The following PRPS1L1 variants were observed in gnomAD, a reference collection of about 807,000 sequenced individuals.
The protein encoded by PRPS1L1 is ribose-phosphate pyrophosphokinase 3.
A neutral mutation model predicts 16.4 loss-of-function variants in PRPS1L1; 12 were observed. The observed-to-expected ratio is 0.73, with a 90% CI of 0.47 to 1.19. The LOEUF (loss-of-function observed/expected upper bound fraction) is 1.19. Among genes scored for constraint, PRPS1L1 ranks in the 50% most tolerant of loss-of-function variants. The pLI is 0.00. For synonymous variants in PRPS1L1, 153 were observed against 142.5 expected (o/e 1.07, Z -0.53); for missense variants, 408 against 395.8 (o/e 1.03, Z -0.26).
chr7:18,027,840 CG>C lies in PRPS1L1; in HGVS notation c.-59del, dbSNP rs1383240566. 1.3e-5 allele frequency: 20 copies of C among 1,536,330 alleles called. No individual in the cohort carries two copies. In the Admixed American group the frequency reaches 3.6e-4, roughly 27 times the overall value. ...GATCCAGCTGCCGCTGAGGCTGGAA[CG>C]GAAGTGAAGCACAGACTCTAATGGC... On this transcript the variant is annotated 5_prime_UTR_variant, in exon 1 of 1. Transcript: ENST00000506618.
chr7:18,027,769 T>G lies in PRPS1L1; in HGVS notation c.14A>C (p.Lys5Thr). The G allele has an allele frequency of 6.2e-7, 1 of 1,614,044 alleles. No homozygotes were observed. Among genetic ancestry groups the G allele is most frequent in the Non-Finnish European group, 8.5e-7 (1 of 1,180,010 alleles). ...CTGGTGGGAGCTGCCGCTGAAGATT[T>G]TGATATTCGGCGTCTTGGCCAACTA... Residue 5 changes from lysine (K) to threonine (T), a missense_variant, in exon 1 of 1, where the codon AAA becomes ACA. By Grantham distance (78) the Lys-to-Thr change is moderately conservative. Coordinates refer to ENST00000506618, the MANE Select transcript of PRPS1L1 (RefSeq NM_175886.3).
At position 18,027,590 on chromosome 7, in the gene PRPS1L1, C is replaced by T. The variant is rs754837297; in HGVS notation, c.193G>A (p.Asp65Asn). The T allele has an allele frequency of 4.3e-6, 7 of 1,613,952 alleles. 1 individual carries two copies. The Middle Eastern group carries it at 6.6e-4, about 152-fold the overall frequency. The change falls in exon 1 of 1, where the codon GAC (aspartate) becomes AAC (asparagine). Residue 65 changes from aspartate to asparagine, a missense_variant. By Grantham distance (23) the Asp-to-Asn change is conservative (BLOSUM62 1). Transcript: ENST00000506618. ...ATGATCAAAAGCTCCATTAGACTGTCGTTGATTTCGCCACAACCACTCTGA... is the reference window on the plus strand; with the variant it reads ...ATGATCAAAAGCTCCATTAGACTGTTGTTGATTTCGCCACAACCACTCTGA...
rs767111140 is a variant in PRPS1L1 at position 18,026,868 on chromosome 7, A to AT, written c.914dup (p.Asn305LysfsTer18). 3.1e-6 allele frequency: 5 copies of AT among 1,612,492 alleles called. No homozygotes were observed. The Admixed American group carries it at 8.3e-5, about 27-fold the overall frequency. On this transcript the variant is annotated frameshift_variant, in exon 1 of 1. Coordinates refer to ENST00000506618, the MANE Select transcript of PRPS1L1 (RefSeq NM_175886.3). LOFTEE classifies it high-confidence loss of function. Reference sequence around the variant, plus strand: ...TGAACAGGTAGGAAACAGATTCCCCATTATGAGTTCTCCTTATGGCTTCTG... The same window carrying AT: ...TGAACAGGTAGGAAACAGATTCCCCATTTATGAGTTCTCCTTATGGCTTCTG...
chr7:18,027,815 G>T lies in PRPS1L1; in HGVS notation c.-33C>A. 1 of 1,599,716 alleles carries T rather than the reference G, an allele frequency of 6.3e-7. No individual in the cohort carries two copies. The stretch of plus-strand genomic sequence containing the variant: ...AACTACCAGAGGCACTCCGTCGAGC[G>T]ATCCAGCTGCCGCTGAGGCTGGAAC... On this transcript the variant is annotated 5_prime_UTR_variant, in exon 1 of 1. Transcript: ENST00000506618.
Position 18,027,672 on chromosome 7 carries a change from G to C in PRPS1L1, c.111C>G (p.Asn37Lys). The change falls in exon 1 of 1, where the codon AAC (asparagine) becomes AAG (lysine). Residue 37 changes from asparagine to lysine, a missense_variant. Physicochemically the swap from Asn to Lys is moderately conservative, Grantham distance 94. Transcript: ENST00000506618. ...CATCAATTTCCACGCAGGTCTCCTG[G>C]TTGCTGAATTTCTTAGTCACCACCT... 6.2e-7 allele frequency: 1 copy of C among 1,614,064 alleles called. No homozygotes were observed.
chr7:18,027,511 C>T lies in PRPS1L1; in HGVS notation c.272G>A (p.Cys91Tyr). 1 of 1,614,182 alleles carries T rather than the reference C, an allele frequency of 6.2e-7. No individual in the cohort carries two copies. Among genetic ancestry groups the T allele is most frequent in the South Asian group, 1.1e-5 (1 of 91,084 alleles). ...CTTATCCTGTCGGGCATAAGGGAAG[C>T]ATGGGATGACTGCAGTAACTCGGCT... Residue 91 changes from cysteine (C) to tyrosine (Y), a missense_variant, in exon 1 of 1, where the codon TGC (cysteine) becomes TAC (tyrosine). Cys to Tyr is a radical substitution (Grantham distance 194, BLOSUM62 -2). Coordinates refer to ENST00000506618, the MANE Select transcript of PRPS1L1 (RefSeq NM_175886.3).
Position 18,027,364 on chromosome 7 carries a change from A to G in PRPS1L1, c.419T>C (p.Ile140Thr). 1.9e-6 allele frequency: 3 copies of G among 1,614,204 alleles called. No homozygotes were observed. The highest frequency in any genetic ancestry group is 2.5e-6 in the Non-Finnish European group (3 of 1,180,044). Reference sequence around the variant, plus strand: ...CTCTGCATACAAGTTGTCTACTGGGATATCAAAAAAGCCCTGAATTTGAGA... The same window carrying G: ...CTCTGCATACAAGTTGTCTACTGGGGTATCAAAAAAGCCCTGAATTTGAGA... The change falls in exon 1 of 1, where the codon ATC becomes ACC. Residue 140 changes from isoleucine (I) to threonine (T), a missense_variant. Coordinates refer to ENST00000506618, the MANE Select transcript of PRPS1L1 (RefSeq NM_175886.3).
Position 18,027,449 on chromosome 7 carries a change from C to T in PRPS1L1, c.334G>A (p.Val112Ile), listed in dbSNP as rs1782205450. 1 of 1,614,080 alleles carries T rather than the reference C, an allele frequency of 6.2e-7. No homozygotes were observed. Among genetic ancestry groups the T allele is most frequent in the African/African-American group, 1.3e-5 (1 of 74,918 alleles). ...CCTGCTATAGAGAGCATATTTGCAA[C>T]AAGCTTGGCAGAGATTGGGGACCGG... is the stretch of plus-strand genomic sequence containing the variant. Residue 112 changes from valine to isoleucine, a missense_variant, in exon 1 of 1, where the codon GTT becomes ATT. Val to Ile is a conservative substitution (Grantham distance 29). Coordinates refer to ENST00000506618, the MANE Select transcript of PRPS1L1 (RefSeq NM_175886.3).
rs1461722382 is a variant in PRPS1L1 at position 18,027,277 on chromosome 7, G to C, written c.506C>G (p.Ser169Trp). ...TCTTTTAGCTCCACCAGCATCTGGC[G>C]AGACAATAATGCAGTTCTTCCACTC... The change falls in exon 1 of 1, where the codon TCG becomes TGG. Residue 169 changes from serine (S) to tryptophan (W), a missense_variant. By Grantham distance (177) the Ser-to-Trp change is radical. Transcript: ENST00000506618. 3 of 1,614,036 alleles carry C rather than the reference G, an allele frequency of 1.9e-6. No homozygotes were observed. The highest frequency in any genetic ancestry group is 1.7e-6 in the Non-Finnish European group (2 of 1,180,040).
At position 18,026,952 on chromosome 7, in the gene PRPS1L1, T is replaced by C. The variant is rs1229948007; in HGVS notation, c.831A>G (p.Gln277=). The C allele has an allele frequency of 3.1e-6, 5 of 1,614,090 alleles. No individual in the cohort carries two copies. Among genetic ancestry groups the C allele is most frequent in the East Asian group, 2.2e-5 (1 of 44,888 alleles). Residue 277 remains glutamine (Q), a synonymous_variant, in exon 1 of 1, where the codon CAA becomes CAG. Coordinates refer to ENST00000506618, the MANE Select transcript of PRPS1L1 (RefSeq NM_175886.3). ...TGGAGCAATGCTTCATCTTCTCATC[T>C]TGAGGTATGGTATTGGTGACTACCA...
Position 18,027,032 on chromosome 7 carries a change from C to T in PRPS1L1, c.751G>A (p.Gly251Arg). The T allele has an allele frequency of 1.2e-6, 2 of 1,614,154 alleles. No individual in the cohort carries two copies. Among genetic ancestry groups the T allele is most frequent in the East Asian group, 4.5e-5 (2 of 44,880 alleles). ...GAAATGGCTGGGCCAGAAAAGATTC[C>T]ATGAGTCAAGATAGCATAAACTCTG... Residue 251 changes from glycine (G) to arginine (R), a missense_variant, in exon 1 of 1, where the codon GGA becomes AGA. Gly to Arg is a moderately radical substitution (Grantham distance 125). Transcript: ENST00000506618.
rs200567913 is a variant in PRPS1L1, at chr7:18,027,352, T to C, written c.431A>G (p.Asn144Ser). 1.4e-5 allele frequency: 22 copies of C among 1,614,062 alleles called. No individual in the cohort carries two copies. The highest frequency in any genetic ancestry group is 1.5e-5 in the Non-Finnish European group (18 of 1,180,044). ...CAGGACAGTTGGCTCTGCATACAAG[T>C]TGTCTACTGGGATATCAAAAAAGCC... is the stretch of plus-strand genomic sequence containing the variant. The change falls in exon 1 of 1, where the codon AAC becomes AGC. Residue 144 changes from asparagine (N) to serine (S), a missense_variant. By Grantham distance (46) the Asn-to-Ser change is conservative. Coordinates refer to ENST00000506618, the MANE Select transcript of PRPS1L1 (RefSeq NM_175886.3).
rs3800961 is a variant in PRPS1L1 at position 18,027,459 on chromosome 7, A to G, written c.324T>C (p.Ser108=). Residue 108 remains serine (S), a synonymous_variant, in exon 1 of 1, where the codon TCT becomes TCC. Transcript: ENST00000506618. ...AGAGCATATTTGCAACAAGCTTGGC[A>G]GAGATTGGGGACCGGCTCTTATCCT... The G allele has an allele frequency of 0.039, 63,726 of 1,614,142 alleles. 1,602 individuals are homozygous for G. Among genetic ancestry groups the G allele is most frequent in the East Asian group, 0.13 (5,641 of 44,874 alleles).
rs1486940140 is a variant in PRPS1L1, at chr7:18,027,309, A to G, written c.474T>C (p.Asn158=). 1.2e-6 allele frequency: 2 copies of G among 1,614,018 alleles called. No individual in the cohort carries two copies. Among genetic ancestry groups the G allele is most frequent in the South Asian group, 1.1e-5 (1 of 91,086 alleles). Residue 158 remains asparagine (N), a synonymous_variant, in exon 1 of 1, where the codon AAT becomes AAC. Transcript: ENST00000506618. ...TAATGCAGTTCTTCCACTCAGGGAT[A>G]TTCTCCCTTATCCACTTCAGGACAG...
In PRPS1L1 at chr7:18,027,228, C is replaced by G. The variant is rs1450004483; in HGVS notation, c.555G>C (p.Leu185Phe). ...TATGAATCAAAGCAAAGTCCACATT[C>G]AACTGGTCTGCAATGGAGGTCACTC... The change falls in exon 1 of 1, where the codon TTG (leucine) becomes TTC (phenylalanine). Residue 185 changes from leucine (L) to phenylalanine (F), a missense_variant. Leu to Phe is a conservative substitution (Grantham distance 22). Coordinates refer to ENST00000506618, the MANE Select transcript of PRPS1L1 (RefSeq NM_175886.3). 6 of 1,614,108 alleles carry G rather than the reference C, an allele frequency of 3.7e-6. No homozygotes were observed. The highest frequency in any genetic ancestry group is 5.1e-6 in the Non-Finnish European group (6 of 1,180,046).
Position 18,026,783 on chromosome 7 carries a change from A to G in PRPS1L1, c.*43T>C. 1 of 1,384,158 alleles carries G rather than the reference A, an allele frequency of 7.2e-7. No individual in the cohort carries two copies. The highest frequency in any genetic ancestry group is 9.8e-7 in the Non-Finnish European group (1 of 1,017,968). 85.7% of individuals were successfully genotyped at this position (1,384,158 alleles called of 1,614,324 possible). A position where few individuals can be genotyped will look rare whatever the true frequency, so the allele number is the denominator to read the frequency against. ...ATAAAGGCAAGGTTTGTTTTTATTA[A>G]TCTTATTTTATTTTAAAATAGCATA... On this transcript the variant is annotated 3_prime_UTR_variant, in exon 1 of 1. Transcript: ENST00000506618.
Position 18,027,621 on chromosome 7 carries a change from G to A in PRPS1L1, c.162C>T (p.Tyr54=). The change falls in exon 1 of 1, where the codon TAC becomes TAT. Residue 54 remains tyrosine (Y), a synonymous_variant. Transcript: ENST00000506618. ...TTTCGCCACAACCACTCTGAACGAT[G>A]TAGACATCCTCTCCACGCACACTCT... The A allele has an allele frequency of 6.2e-7, 1 of 1,614,098 alleles. No homozygotes were observed. Among genetic ancestry groups the A allele is most frequent in the Non-Finnish European group, 8.5e-7 (1 of 1,180,034 alleles).
In PRPS1L1 at chr7:18,027,454, T is replaced by G; in HGVS notation, c.329A>C (p.Lys110Thr). The stretch of plus-strand genomic sequence containing the variant: ...TATAGAGAGCATATTTGCAACAAGC[T>G]TGGCAGAGATTGGGGACCGGCTCTT... Residue 110 changes from lysine to threonine, a missense_variant, in exon 1 of 1, where the codon AAG (lysine) becomes ACG (threonine). Transcript: ENST00000506618. 1 of 1,614,194 alleles carries G rather than the reference T, an allele frequency of 6.2e-7. No homozygotes were observed. Among genetic ancestry groups the G allele is most frequent in the Non-Finnish European group, 8.5e-7 (1 of 1,180,038 alleles).
Position 18,027,825 on chromosome 7 carries a change from C to T in PRPS1L1, c.-43G>A, listed in dbSNP as rs749231734. On this transcript the variant is annotated 5_prime_UTR_variant, in exon 1 of 1. Transcript: ENST00000506618. ...GGCACTCCGTCGAGCGATCCAGCTG[C>T]CGCTGAGGCTGGAACGGAAGTGAAG... The T allele has an allele frequency of 1.9e-6, 3 of 1,584,496 alleles. No homozygotes were observed. The highest frequency in any genetic ancestry group is 2.6e-6 in the Non-Finnish European group (3 of 1,155,258).
Sources: allele counts gnomAD v4.1 joint callset, GRCh38; gene constraint gnomAD v4.1.1; transcripts MANE v1.5; gene names NCBI Gene and HGNC (gene_info 2026-07-23, HGNC 2026-07-21).